Variants in SLC16A10 observed in about 807,000 individuals in gnomAD.
SLC16A10 encodes the protein monocarboxylate transporter 10.
SLC16A10 carries 27 observed loss-of-function variants against 40.0 expected under a neutral mutation model. The observed-to-expected ratio is 0.67, with a 90% CI of 0.50 to 0.93. The LOEUF (loss-of-function observed/expected upper bound fraction) is 0.93, where lower values mean the gene tolerates loss of function less well. Ranked by LOEUF, SLC16A10 falls within the 40% of genes least tolerant of loss-of-function variation. The pLI, the probability that SLC16A10 is intolerant of heterozygous loss-of-function variation, is 0.00. For synonymous variants in SLC16A10, 213 were observed against 249.8 expected (o/e 0.85, Z 1.39); for missense variants, 529 against 658.2 (o/e 0.80, Z 2.15).
chr6:111,192,477 C>T (rs1022330492), intron 3 of SLC16A10, among the ~76,000 whole-genome samples: 9 of 152,140 alleles, frequency 5.9e-5, no homozygotes, highest in Admixed American at 2.6e-4. Context: ...CCCACATTTT[C>T]CTATCTTCTT....
intron 1 of SLC16A10, among the ~76,000 whole-genome samples, chr6:111,109,998 G>C (rs1363307387): frequency 6.6e-6 from 1 of 152,082 alleles, no homozygotes; most frequent in African/African-American, 2.4e-5. Context: ...GCTGAACAAG[G>C]AGATAAAAAA....
chr6:111,169,739 C>G (rs1299728475), intron 1 of SLC16A10, among the ~76,000 whole-genome samples: 1 of 151,920 alleles, frequency 6.6e-6, no homozygotes, highest in Non-Finnish European at 1.5e-5. Context: ...AAATTTTTCC[C>G]CACTGAATAA....
At chr6:111,132,613 G>A (rs543933593) in intron 1 of SLC16A10, among the ~76,000 whole-genome samples, 2 of 152,346 alleles carry the variant, frequency 1.3e-5, no homozygotes, top group Middle Eastern at 3.4e-3. Flanking sequence ...AAGCAAAAAG[G>A]TAACTTACTA....
At chr6:111,174,265 C>T (rs543906470) in intron 2 of SLC16A10, among the ~76,000 whole-genome samples, 17 of 152,052 alleles carry the variant, frequency 1.1e-4, no homozygotes, top group Non-Finnish European at 1.9e-4. Flanking sequence ...AGTTGAAAAG[C>T]GTTAATGTGG....
chr6:111,177,111 T>C, intron 2 of SLC16A10, 101 bp from the exon 3 acceptor site: 1 of 779,832 alleles, frequency 1.3e-6, no homozygotes, highest in Non-Finnish European at 1.8e-6. Context: ...GTAGAAAATA[T>C]GTTGATGAAC....
intron 4 of SLC16A10, among the ~76,000 whole-genome samples, chr6:111,217,745 C>T (rs1179696461): frequency 1.3e-5 from 2 of 152,068 alleles, no homozygotes; most frequent in South Asian, 2.1e-4. Context: ...CCACCGTGCC[C>T]GGCCATGAAT....
chr6:111,154,203 A>G (rs1772226938), intron 1 of SLC16A10, among the ~76,000 whole-genome samples: 1 of 152,206 alleles, frequency 6.6e-6, no homozygotes, highest in Non-Finnish European at 1.5e-5. Flanking sequence ...TAATCCTGTT[A>G]TTATTTCAAA....
At chr6:111,165,908 G>T (rs1455231166) in intron 1 of SLC16A10, among the ~76,000 whole-genome samples, 1 of 152,174 alleles carries the variant, frequency 6.6e-6, no homozygotes, top group African/African-American at 2.4e-5. Flanking sequence ...CCTTCCACGT[G>T]GTTACAAGGT....
rs377472794 is a variant in SLC16A10, at chr6:111,222,130, T to G, written c.1443T>G (p.Ser481Arg). The change falls in exon 6 of 6, where the codon AGT becomes AGG. Residue 481 changes from serine to arginine, a missense_variant. Ser to Arg is a moderately radical substitution (Grantham distance 110, BLOSUM62 -1). Coordinates refer to ENST00000368851, the MANE Select transcript of SLC16A10 (RefSeq NM_018593.5). ...ATAGTAAGAAGCAAAGAGAGATCAG[T>G]AAAACCACTGGAAAAGAAAAGATGG... ...WIHSKKQREI[S>R]KTTGKEKMEK... is the part of the protein sequence containing the mutation. The G allele has an allele frequency of 7.5e-6, 12 of 1,608,484 alleles. No homozygotes were observed. In the African/African-American group the frequency reaches 1.6e-4, roughly 22 times the overall value.
At chr6:111,214,599 A>G (rs939561366) in intron 4 of SLC16A10, among the ~76,000 whole-genome samples, 2 of 152,350 alleles carry the variant, frequency 1.3e-5, no homozygotes, top group Non-Finnish European at 2.9e-5. Flanking sequence ...GCTGGGAAAG[A>G]GCATCACTAC....
intron 1 of SLC16A10, among the ~76,000 whole-genome samples, chr6:111,135,612 G>T (rs1253902018): frequency 6.6e-6 from 1 of 152,124 alleles, no homozygotes; most frequent in Non-Finnish European, 1.5e-5. Flanking sequence ...CTCAATTCTT[G>T]TTTGCCTTTG....
intron 2 of SLC16A10, among the ~76,000 whole-genome samples, chr6:111,173,931 C>T (rs1772632415): frequency 6.6e-6 from 1 of 152,166 alleles, no homozygotes; most frequent in South Asian, 2.1e-4. Flanking sequence ...CTTCCTGAAA[C>T]TGGTCTCTGG....
intron 1 of SLC16A10, among the ~76,000 whole-genome samples, chr6:111,165,906 G>C (rs1003817175): frequency 6.6e-6 from 1 of 152,170 alleles, no homozygotes; most frequent in African/African-American, 2.4e-5. Flanking sequence ...GTCCTTCCAC[G>C]TGGTTACAAG....
chr6:111,131,316 T>G (rs1771778482), intron 1 of SLC16A10, among the ~76,000 whole-genome samples: 1 of 152,164 alleles, frequency 6.6e-6, no homozygotes, highest in African/African-American at 2.4e-5. Flanking sequence ...TCATGCTAAT[T>G]GAGCTGAATA....
rs1316379227 is a variant in SLC16A10 at position 111,088,060 on chromosome 6, G to T, written c.308G>T (p.Gly103Val). 1 of 1,608,414 alleles carries T rather than the reference G, an allele frequency of 6.2e-7. No individual in the cohort carries two copies. The highest frequency in any genetic ancestry group is 1.7e-5 in the Admixed American group (1 of 59,274). ...VLFVSMLETF[G>V]SKDDDKMVFK... ...TTCGTGTCCATGCTGGAAACCTTCG[G>T]CTCCAAAGACGATGACAAGATGGTC... Residue 103 changes from glycine (G) to valine (V), a missense_variant, in exon 1 of 6, where the codon GGC becomes GTC. By Grantham distance (109) the Gly-to-Val change is moderately radical. Transcript: ENST00000368851.
At chr6:111,187,479 C>T (rs527440386) in intron 3 of SLC16A10, among the ~76,000 whole-genome samples, 1 of 152,124 alleles carries the variant, frequency 6.6e-6, no homozygotes, top group South Asian at 2.1e-4. Flanking sequence ...CACTCCTCCC[C>T]CTGCCCTACA....
At chr6:111,212,224 G>C (rs1020272982) in intron 4 of SLC16A10, among the ~76,000 whole-genome samples, 2 of 152,188 alleles carry the variant, frequency 1.3e-5, no homozygotes, top group African/African-American at 4.8e-5. Context: ...CTGTGGTGAG[G>C]ATTCTTGGTG....
chr6:111,100,810 T>G (rs1208929482), intron 1 of SLC16A10, among the ~76,000 whole-genome samples: 1 of 151,830 alleles, frequency 6.6e-6, no homozygotes, highest in Non-Finnish European at 1.5e-5. Flanking sequence ...TTAACACTTT[T>G]ACCTAAATTT....
intron 1 of SLC16A10, among the ~76,000 whole-genome samples, chr6:111,105,494 A>G (rs1771268084): frequency 6.6e-6 from 1 of 152,148 alleles, no homozygotes; most frequent in Non-Finnish European, 1.5e-5. Context: ...GCACATTCAT[A>G]ATGGACATTT....
Sources: allele counts gnomAD v4.1 joint callset (sites outside exome capture counted in the v4.1 genomes callset), GRCh38; gene constraint gnomAD v4.1.1; transcripts MANE v1.5; gene names NCBI Gene and HGNC (gene_info 2026-07-23, HGNC 2026-07-21).